The following GALNT9 variants were observed in gnomAD, a reference collection of about 807,000 sequenced individuals.
The protein encoded by GALNT9 is GalNAc transferase 9.
In GALNT9, 47 loss-of-function variants were observed where a neutral mutation model predicts 63.1. The ratio of observed to expected loss-of-function variants is 0.75; its 90% confidence interval spans 0.59 to 0.95. The LOEUF is 0.95. Among genes scored for constraint, GALNT9 ranks in the 40% least tolerant of loss-of-function variants. The probability of loss-of-function intolerance (pLI) is 0.00; values close to 1 mark genes in which losing one functional copy is unlikely to be tolerated. For missense variants in GALNT9, 829 were observed against 874.8 expected (o/e 0.95, Z 0.66); for synonymous variants, 396 against 365.7 (o/e 1.08, Z -0.94).
chr12:132,292,777 G>A (rs1162153957), intron 1 of GALNT9, among the ~76,000 whole-genome samples: 1 of 152,236 alleles, frequency 6.6e-6, no homozygotes. Flanking sequence ...GGGAAGGGAA[G>A]GAGGGTGGGG....
chr12:132,267,432 C>A (rs1879643041), intron 2 of GALNT9, among the ~76,000 whole-genome samples: 1 of 152,202 alleles, frequency 6.6e-6, no homozygotes, highest in Non-Finnish European at 1.5e-5. Context: ...CTTGGTGAGG[C>A]TAAGACGCAT....
chr12:132,239,481 CAG>C (rs1555236658), intron 6 of GALNT9, among the ~76,000 whole-genome samples: 1 of 145,230 alleles, frequency 6.9e-6, no homozygotes, highest in Non-Finnish European at 1.5e-5. Context: ...GACAAAGAGA[CAG>C]AGATACAGAG....
rs567536341 is a variant in GALNT9, at chr12:132,300,194, C to A, written c.239-13764G>T. 1.1e-4 allele frequency among the ~76,000 whole-genome samples: 16 copies of A among 149,742 alleles called. 1 individual carries two copies. In the South Asian group the frequency reaches 3.0e-3, roughly 28 times the overall value. ...CTCACTCCCATAACTAACCTGCTCCCACCACACCTAACTCATCCCTGAGAT... is the reference window on the plus strand; with the variant it reads ...CTCACTCCCATAACTAACCTGCTCCAACCACACCTAACTCATCCCTGAGAT... On this transcript the variant is annotated intron_variant, in intron 1 of 10. Transcript: ENST00000328957.
intron 6 of GALNT9, among the ~76,000 whole-genome samples, chr12:132,240,891 C>A (rs1248452194): frequency 6.9e-6 from 1 of 144,196 alleles, no homozygotes; most frequent in Non-Finnish European, 1.5e-5. Flanking sequence ...ATTACACACA[C>A]ACCACACACC....
chr12:132,302,300 A>C (rs1881327440), intron 1 of GALNT9, among the ~76,000 whole-genome samples: 1 of 150,696 alleles, frequency 6.6e-6, no homozygotes, highest in South Asian at 2.1e-4. Context: ...TGCAGGGAAA[A>C]CTAGTATCAG....
At chr12:132,320,014 T>C (rs1868708448) in intron 1 of GALNT9, among the ~76,000 whole-genome samples, 1 of 152,076 alleles carries the variant, frequency 6.6e-6, no homozygotes. Flanking sequence ...ACTGGGCCAC[T>C]GGGTCCCGTT....
At chr12:132,304,734 C>G (rs1254576450) in intron 1 of GALNT9, among the ~76,000 whole-genome samples, 1 of 56,220 alleles carries the variant, frequency 1.8e-5, no homozygotes, top group Non-Finnish European at 3.2e-5. Context: ...CCGGGGCACA[C>G]CCTCACCCAG....
intron 5 of GALNT9, among the ~76,000 whole-genome samples, chr12:132,255,967 A>T (rs1879094259): frequency 6.6e-6 from 1 of 151,936 alleles, no homozygotes. Context: ...CGAACTCCTG[A>T]GTTTACGCAA....
chr12:132,247,425 G>A (rs1593083263), intron 6 of GALNT9: 2 of 358,764 alleles, frequency 5.6e-6, no homozygotes, highest in East Asian at 1.5e-4. Flanking sequence ...AAGACTCAGG[G>A]TAGCCCCATC....
At chr12:132,305,912 G>A (rs1171070894) in intron 1 of GALNT9, among the ~76,000 whole-genome samples, 8 of 152,186 alleles carry the variant, frequency 5.3e-5, no homozygotes, top group Non-Finnish European at 8.8e-5. Context: ...GGGTCCAAAG[G>A]AGCTGAGTCA....
chr12:132,324,717 G>A (rs1209038590), intron 1 of GALNT9, among the ~76,000 whole-genome samples: 1 of 152,080 alleles, frequency 6.6e-6, no homozygotes, highest in Non-Finnish European at 1.5e-5. Context: ...GGGTGGCCTG[G>A]CATTCTCCCC....
At chr12:132,211,023 TGCCGCCG>T (rs761925680) in intron 6 of GALNT9, among the ~76,000 whole-genome samples, 30 of 152,202 alleles carry the variant, frequency 2.0e-4, no homozygotes, top group Non-Finnish European at 3.2e-4. Flanking sequence ...TCGCGGTGCC[TGCCGCCG>T]GCCTCAGTCC....
chr12:132,305,154 C>G (rs1881537497), intron 1 of GALNT9, among the ~76,000 whole-genome samples: 1 of 62,718 alleles, frequency 1.6e-5, no homozygotes, highest in Non-Finnish European at 2.8e-5. Flanking sequence ...GGCACACCCT[C>G]GCCTGGGCAC....
chr12:132,225,947 C>T (rs1281241440), intron 6 of GALNT9, among the ~76,000 whole-genome samples: 2 of 145,466 alleles, frequency 1.4e-5, no homozygotes, highest in Non-Finnish European at 3.0e-5. Context: ...ACACCCCATA[C>T]ACCCCATATG....
rs1881772323 is a variant in GALNT9 at position 132,310,432 on chromosome 12, C to T, written c.238+18534G>A. Among the ~76,000 whole-genome samples, 1 of 152,182 alleles carries T rather than the reference C, an allele frequency of 6.6e-6. No homozygotes were observed. The highest frequency in any genetic ancestry group is 2.4e-5 in the African/African-American group (1 of 41,452). ...GTCAGGCTGCCTCCCACCCAACAGC[C>T]CCACCCAGAAGGACGGGGCCGGCCA... On this transcript the variant is annotated intron_variant, in intron 1 of 10. Transcript: ENST00000328957. This position sits in a 1 kb window ranked among gnomAD's most constrained non-coding sequence, Gnocchi z 4.8.
intron 5 of GALNT9, among the ~76,000 whole-genome samples, chr12:132,257,191 G>A (rs1879153531): frequency 2.6e-5 from 4 of 152,300 alleles, no homozygotes; most frequent in Admixed American, 6.5e-5. Flanking sequence ...AACACAAGGC[G>A]ATCCTTTTCC....
chr12:132,309,825 A>G (rs980420701), intron 1 of GALNT9, among the ~76,000 whole-genome samples: 1 of 152,172 alleles, frequency 6.6e-6, no homozygotes, highest in African/African-American at 2.4e-5. Context: ...GAAAGAGACC[A>G]TGCCAGGAGG....
At chr12:132,254,684 G>C (rs1199846898) in intron 5 of GALNT9, among the ~76,000 whole-genome samples, 1 of 152,182 alleles carries the variant, frequency 6.6e-6, no homozygotes, top group Admixed American at 6.5e-5. Flanking sequence ...GAGAGAAGAG[G>C]GCTAGTGTCA....
intron 5 of GALNT9, among the ~76,000 whole-genome samples, chr12:132,250,109 G>A (rs1878851828): frequency 6.6e-6 from 1 of 152,250 alleles, no homozygotes; most frequent in Non-Finnish European, 1.5e-5. Flanking sequence ...CAATTCTGCA[G>A]TGGAAGGAGC....
Sources: gnomAD v4.1 joint callset for allele counts (sites outside exome capture counted in the v4.1 genomes callset) on GRCh38, gnomAD v4.1.1 for gene constraint, Gnocchi (gnomAD v3.1) non-coding constraint, MANE v1.5 for transcripts, NCBI Gene and HGNC (gene_info 2026-07-23, HGNC 2026-07-21) for gene names.